ZNF385B: variants seen among roughly 807,000 people sequenced by gnomAD.
ZNF385B encodes the protein zinc finger protein 533.
Under a neutral mutation model 39.2 loss-of-function variants are expected in ZNF385B, and 23 were observed. That is an observed-to-expected ratio of 0.59 (90% CI 0.42 to 0.83). The LOEUF (loss-of-function observed/expected upper bound fraction) is 0.83. Ranked by LOEUF, ZNF385B falls within the 40% of genes least tolerant of loss-of-function variation. ZNF385B has a pLI of 0.00. For synonymous variants in ZNF385B, 205 were observed against 222.6 expected, an observed-to-expected ratio of 0.92 and a Z score of 0.70; for missense variants, 552 against 598.9, an observed-to-expected ratio of 0.92 and a Z score of 0.82.
chr2:179,525,582 T>C (rs1197129765), intron 4 of ZNF385B, among the ~76,000 whole-genome samples: 3 of 152,236 alleles, frequency 2.0e-5, no homozygotes, highest in Non-Finnish European at 2.9e-5. Flanking sequence ...GAAGTTTGGC[T>C]AAGTATCAAC....
At chr2:179,745,743 C>A in intron 3 of ZNF385B, 2 of 1,542,946 alleles carry the variant, frequency 1.3e-6, no homozygotes, top group Non-Finnish European at 1.7e-6. Flanking sequence ...CACATCCTGG[C>A]AGGGCTCTCA....
intron 3 of ZNF385B, among the ~76,000 whole-genome samples, chr2:179,695,912 T>C (rs921937913): frequency 2.1e-4 from 32 of 152,228 alleles, no homozygotes; most frequent in Admixed American, 1.8e-3. Flanking sequence ...ATGTATACAA[T>C]GGAATAGTAT....
At chr2:179,682,145 G>T (rs1003315874) in intron 3 of ZNF385B, among the ~76,000 whole-genome samples, 3 of 152,162 alleles carry the variant, frequency 2.0e-5, no homozygotes, top group Non-Finnish European at 4.4e-5. Flanking sequence ...AGCAGAAACT[G>T]TTCTTGCTGA....
chr2:179,592,292 A>G (rs528162148), intron 3 of ZNF385B, among the ~76,000 whole-genome samples: 1 of 152,170 alleles, frequency 6.6e-6, no homozygotes, highest in Non-Finnish European at 1.5e-5. Flanking sequence ...GGAAAAAAAA[A>G]CCCTGTTCAT....
intron 5 of ZNF385B, among the ~76,000 whole-genome samples, chr2:179,513,550 G>A (rs899262096): frequency 1.3e-5 from 2 of 152,194 alleles, no homozygotes; most frequent in Non-Finnish European, 2.9e-5. Context: ...TGGAGTAATT[G>A]TGGGGCTCGA....
intron 4 of ZNF385B, among the ~76,000 whole-genome samples, chr2:179,521,353 G>GTTTTTTTTTTTTTTTT (rs56392185): frequency 3.6e-4 from 39 of 108,158 alleles, no homozygotes; most frequent in Non-Finnish European, 5.0e-4. Context: ...CACCTGGCCA[G>GTTTTTTTTTTTTTTTT]TTTTTTTTTT....
At chr2:179,635,279 T>C (rs9750247) in intron 3 of ZNF385B, among the ~76,000 whole-genome samples, 113,104 of 151,244 alleles carry the variant, frequency 0.75, 42,324 homozygotes, top group South Asian at 0.8. Context: ...CAAACTGTCA[T>C]GAGCACAGAA....
At chr2:179,447,502 A>C (rs1028828033) in intron 6 of ZNF385B, among the ~76,000 whole-genome samples, 1 of 152,216 alleles carries the variant, frequency 6.6e-6, no homozygotes, top group Non-Finnish European at 1.5e-5. Context: ...CTCAAGGCCC[A>C]TGTGCAGGCT....
chr2:179,588,011 GA>G (rs1403216729), intron 3 of ZNF385B, among the ~76,000 whole-genome samples: 2 of 152,120 alleles, frequency 1.3e-5, no homozygotes, highest in Admixed American at 1.3e-4. Context: ...GAGGTGAGGT[GA>G]AAAAATGAGG....
intron 1 of ZNF385B, among the ~76,000 whole-genome samples, chr2:179,837,727 A>G (rs112917764): frequency 2.6e-5 from 4 of 152,342 alleles, no homozygotes; most frequent in African/African-American, 9.6e-5. Flanking sequence ...AAAAGAAAAC[A>G]CTCATTATCT....
chr2:179,712,846 T>C (rs1414589136), intron 3 of ZNF385B, among the ~76,000 whole-genome samples: 6 of 152,208 alleles, frequency 3.9e-5, no homozygotes, highest in Admixed American at 6.5e-5. Context: ...GTTTGGCTTA[T>C]TAACACAATA....
At chr2:179,708,214 A>G (rs1699758854) in intron 3 of ZNF385B, among the ~76,000 whole-genome samples, 1 of 152,190 alleles carries the variant, frequency 6.6e-6, no homozygotes, top group Non-Finnish European at 1.5e-5. Flanking sequence ...AGGTGATTGG[A>G]TCACAGGGGT....
chr2:179,775,774 T>C (rs528952342), intron 1 of ZNF385B, among the ~76,000 whole-genome samples: 6 of 152,260 alleles, frequency 3.9e-5, no homozygotes, highest in Non-Finnish European at 8.8e-5. Flanking sequence ...GACTCTATTC[T>C]GTAATGGAGA....
chr2:179,820,651 T>C (rs922825930), intron 1 of ZNF385B, among the ~76,000 whole-genome samples: 1 of 152,120 alleles, frequency 6.6e-6, no homozygotes, highest in African/African-American at 2.4e-5. Context: ...AATTTTTCTA[T>C]AAATATGCAT....
rs79166849 is a variant in ZNF385B at position 179,729,450 on chromosome 2, C to T, written c.298+40053G>A. The stretch of plus-strand genomic sequence containing the variant: ...AAACCTCTCAGAAGTTTCAAGACCA[C>T]GGGGACAAAATCAGAGTGAAAACCA... On this transcript the variant is annotated intron_variant, in intron 3 of 9. Transcript: ENST00000410066. Among the ~76,000 whole-genome samples, 91 of 152,242 alleles carry T rather than the reference C, an allele frequency of 6.0e-4. No homozygotes were observed. In the East Asian group the frequency reaches 0.017, roughly 28 times the overall value.
At chr2:179,812,039 T>C (rs886539650) in intron 1 of ZNF385B, among the ~76,000 whole-genome samples, 2 of 151,950 alleles carry the variant, frequency 1.3e-5, no homozygotes, top group South Asian at 4.1e-4. Flanking sequence ...CTATGAAAAA[T>C]GCTCAATATC....
intron 3 of ZNF385B, among the ~76,000 whole-genome samples, chr2:179,641,520 T>G (rs1692266122): frequency 6.6e-6 from 1 of 152,144 alleles, no homozygotes; most frequent in Non-Finnish European, 1.5e-5. Context: ...GTAGGACTTT[T>G]CTTGAAGCAG....
At chr2:179,693,328 C>T (rs1698494062) in intron 3 of ZNF385B, among the ~76,000 whole-genome samples, 1 of 152,138 alleles carries the variant, frequency 6.6e-6, no homozygotes, top group African/African-American at 2.4e-5. Context: ...AGGTGGGATG[C>T]TGAATGACTG....
At chr2:179,740,994 T>C (rs1575398945) in intron 3 of ZNF385B, among the ~76,000 whole-genome samples, 1 of 152,258 alleles carries the variant, frequency 6.6e-6, no homozygotes. Flanking sequence ...CTAGATTATT[T>C]GGTGGGAGTA....
Sources: allele counts gnomAD v4.1 joint callset (sites outside exome capture counted in the v4.1 genomes callset), GRCh38; gene constraint gnomAD v4.1.1; transcripts MANE v1.5; gene names NCBI Gene and HGNC (gene_info 2026-07-23, HGNC 2026-07-21).